Variants in SGCZ observed in about 807,000 individuals in gnomAD.
The protein encoded by SGCZ is sarcoglycan zeta.
SGCZ carries 40 observed loss-of-function variants against 41.3 expected under a neutral mutation model. That is an observed-to-expected ratio of 0.97 (90% CI 0.75 to 1.26). The LOEUF is 1.26. SGCZ is among the 50% of genes most tolerant of loss of function. The probability of loss-of-function intolerance (pLI) is 0.00; values close to 1 mark genes in which losing one functional copy is unlikely to be tolerated. For missense variants in SGCZ, 552 were observed against 369.8 expected (o/e 1.49, Z -4.04); for synonymous variants, 206 against 137.5 (o/e 1.50, Z -3.49).
intron 4 of SGCZ, among the ~76,000 whole-genome samples, chr8:14,176,995 G>A (rs913821993): frequency 1.3e-5 from 2 of 152,118 alleles, no homozygotes; most frequent in African/African-American, 4.8e-5. Context: ...TCCTACTTTG[G>A]GAGCAGGACA....
chr8:14,788,074 CA>C (rs1392573448), intron 1 of SGCZ, among the ~76,000 whole-genome samples: 1 of 151,938 alleles, frequency 6.6e-6, no homozygotes, highest in Non-Finnish European at 1.5e-5. Context: ...TCATATTTAC[CA>C]AAAGGAAAGT....
Position 14,354,371 on chromosome 8 carries a change from AT to A in SGCZ, c.235-30168del, listed in dbSNP as rs537191595. Among the ~76,000 whole-genome samples the A allele has an allele frequency of 1.7e-3, 266 of 152,004 alleles. 1 individual carries two copies. Among genetic ancestry groups the A allele is most frequent in the Non-Finnish European group, 2.4e-3 (164 of 67,852 alleles). ...TAAAACAAGAAAAGCGTAGAAAAGA[AT>A]TTTTTAAAAAACTCCTATAATGATA... On this transcript the variant is annotated intron_variant, in intron 2 of 7. Coordinates refer to ENST00000382080, the MANE Select transcript of SGCZ (RefSeq NM_139167.4).
chr8:14,475,141 G>A (rs57085793), intron 2 of SGCZ, among the ~76,000 whole-genome samples: 2,580 of 152,136 alleles, frequency 0.017, 89 homozygotes, highest in African/African-American at 0.059. Context: ...AAAGTGAAAA[G>A]TTTAATGTTT....
chr8:15,137,239 A>T (rs934637282), intron 1 of SGCZ, among the ~76,000 whole-genome samples: 1 of 152,168 alleles, frequency 6.6e-6, no homozygotes, highest in Non-Finnish European at 1.5e-5. Context: ...CTTGAGAGAG[A>T]TGATTTAGCG....
intron 1 of SGCZ, among the ~76,000 whole-genome samples, chr8:14,990,527 G>C (rs552299549): frequency 1.3e-5 from 2 of 152,058 alleles, no homozygotes; most frequent in South Asian, 4.2e-4. Context: ...GAGCATGCAA[G>C]GGATCTAGGT....
intron 1 of SGCZ, among the ~76,000 whole-genome samples, chr8:14,620,373 G>T (rs959241566): frequency 4.6e-5 from 7 of 152,148 alleles, no homozygotes; most frequent in African/African-American, 1.7e-4. Flanking sequence ...CAGGTCATAG[G>T]CATGGAGAAG....
intron 1 of SGCZ, among the ~76,000 whole-genome samples, chr8:15,169,083 T>C (rs1799751950): frequency 6.6e-6 from 1 of 152,200 alleles, no homozygotes; most frequent in Non-Finnish European, 1.5e-5. Flanking sequence ...CAAACTCTAG[T>C]CATGCAACCA....
At chr8:14,122,300 GA>G (rs1184879589) in intron 5 of SGCZ, among the ~76,000 whole-genome samples, 26 of 151,984 alleles carry the variant, frequency 1.7e-4, no homozygotes, top group African/African-American at 6.0e-4. Context: ...CAAAACAAAA[GA>G]CTTTAAGGAG....
rs530138696 is a variant in SGCZ, at chr8:14,924,273, C to A, written c.39+313312G>T. ...AGCTAGTTACATCTTCTGTTAGTTC[C>A]TGTATAGAAATGAAGTTTTTCACTC... On this transcript the variant is annotated intron_variant, in intron 1 of 7. Transcript: ENST00000382080. 2.0e-5 allele frequency among the ~76,000 whole-genome samples: 3 copies of A among 152,248 alleles called. No homozygotes were observed. In the South Asian group the frequency reaches 6.2e-4, roughly 32 times the overall value.
At chr8:15,140,384 C>G (rs1381844305) in intron 1 of SGCZ, among the ~76,000 whole-genome samples, 7 of 152,090 alleles carry the variant, frequency 4.6e-5, no homozygotes. Flanking sequence ...TTAGAAACCA[C>G]TCACCCTTCT....
At chr8:15,195,325 C>T (rs1218566303) in intron 1 of SGCZ, among the ~76,000 whole-genome samples, 1 of 152,088 alleles carries the variant, frequency 6.6e-6, no homozygotes, top group Non-Finnish European at 1.5e-5. Flanking sequence ...CGGGATTACT[C>T]ATGTGGAATG....
intron 1 of SGCZ, among the ~76,000 whole-genome samples, chr8:14,825,553 C>A (rs1802274924): frequency 6.6e-6 from 1 of 152,058 alleles, no homozygotes; most frequent in South Asian, 2.1e-4. Context: ...TGTACTTGAA[C>A]AACATGATGA....
intron 1 of SGCZ, among the ~76,000 whole-genome samples, chr8:15,218,359 G>C (rs1393073199): frequency 6.6e-6 from 1 of 152,132 alleles, no homozygotes; most frequent in African/African-American, 2.4e-5. Flanking sequence ...AGTTAAACTT[G>C]GTGAGATGTG....
At chr8:14,125,800 A>T (rs1802836082) in intron 5 of SGCZ, among the ~76,000 whole-genome samples, 1 of 152,154 alleles carries the variant, frequency 6.6e-6, no homozygotes, top group East Asian at 1.9e-4. Context: ...AACACAATGG[A>T]GATACCAGAA....
intron 1 of SGCZ, among the ~76,000 whole-genome samples, chr8:14,679,879 A>T (rs74406929): frequency 0.2 from 29,245 of 149,896 alleles, 3,516 homozygotes; most frequent in East Asian, 0.44. Flanking sequence ...TTGATACTAT[A>T]TATTTTTTAT....
chr8:14,473,530 A>G (rs1372341834), intron 2 of SGCZ, among the ~76,000 whole-genome samples: 1 of 152,170 alleles, frequency 6.6e-6, no homozygotes, highest in Non-Finnish European at 1.5e-5. Context: ...TAAAATATCA[A>G]TTTTGACCCA....
At chr8:15,110,538 T>C (rs1192911739) in intron 1 of SGCZ, among the ~76,000 whole-genome samples, 2 of 152,210 alleles carry the variant, frequency 1.3e-5, no homozygotes, top group Non-Finnish European at 2.9e-5. Flanking sequence ...GCAAAGGGAT[T>C]AAGTTTCACC....
At chr8:15,122,229 C>T (rs941014289) in intron 1 of SGCZ, among the ~76,000 whole-genome samples, 17 of 151,254 alleles carry the variant, frequency 1.1e-4, no homozygotes, top group Non-Finnish European at 2.2e-4. Context: ...TATTTTTTTC[C>T]AAGTAGTGAA....
intron 1 of SGCZ, among the ~76,000 whole-genome samples, chr8:15,195,393 G>C (rs1434244085): frequency 6.6e-6 from 1 of 152,154 alleles, no homozygotes; most frequent in Non-Finnish European, 1.5e-5. Flanking sequence ...CCAAATGCTT[G>C]CTGCTGGCTC....
Sources: gnomAD v4.1 joint callset for allele counts (sites outside exome capture counted in the v4.1 genomes callset) on GRCh38, gnomAD v4.1.1 for gene constraint, MANE v1.5 for transcripts, NCBI Gene and HGNC (gene_info 2026-07-23, HGNC 2026-07-21) for gene names.